SFI1: variants seen among roughly 807,000 people sequenced by gnomAD.
The protein encoded by SFI1 is SFI1 centrin binding protein, also known as protein SFI1 homolog.
Under a neutral mutation model 207.5 loss-of-function variants are expected in SFI1, and 195 were observed. The ratio of observed to expected loss-of-function variants is 0.94; its 90% CI spans 0.84 to 1.06. The LOEUF (loss-of-function observed/expected upper bound fraction) is 1.06. SFI1 is among the 50% of genes least tolerant of loss of function. The pLI, the probability that SFI1 is intolerant of heterozygous loss-of-function variation, is 0.00. For synonymous variants in SFI1, 630 were observed against 598.9 expected (o/e 1.05, Z -0.76); for missense variants, 1,634 against 1,588.0 (o/e 1.03, Z -0.49).
intron 14 of SFI1, chr22:31,587,217 T>G: frequency 5.0e-6 from 1 of 199,564 alleles, no homozygotes. Flanking sequence ...ACTATGTACA[T>G]AGCATTGACA....
chr22:31,593,867 C>A (rs1054681864), intron 15 of SFI1, among the ~76,000 whole-genome samples: 2 of 148,270 alleles, frequency 1.3e-5, no homozygotes, highest in Admixed American at 6.7e-5. Context: ...TGCCTGCAAT[C>A]GCAGGCATTC....
chr22:31,557,189 T>C, intron 7 of SFI1, 130 bp downstream of exon 7: 1 of 654,410 alleles, frequency 1.5e-6, no homozygotes, highest in South Asian at 2.3e-5. Context: ...TTGTGTTTTG[T>C]TTTTTTCGAG....
intron 8 of SFI1, among the ~76,000 whole-genome samples, chr22:31,568,228 T>TA (rs1569334660): frequency 5.7e-4 from 70 of 122,476 alleles, no homozygotes; most frequent in Middle Eastern, 4.0e-3. Flanking sequence ...ATATATATAT[T>TA]TTTTTTTTTT....
Position 31,613,701 on chromosome 22 carries a change from G to A in SFI1, c.2842G>A (p.Ala948Thr), listed in dbSNP as rs767327833. 55 of 1,612,270 alleles carry A rather than the reference G, an allele frequency of 3.4e-5. No individual in the cohort carries two copies. Among genetic ancestry groups the A allele is most frequent in the Non-Finnish European group, 3.6e-5 (43 of 1,179,392 alleles). The change falls in exon 27 of 33, where the codon GCA becomes ACA. Residue 948 changes from alanine (A) to threonine (T), a missense_variant. Coordinates refer to ENST00000400288, the MANE Select transcript of SFI1 (RefSeq NM_001007467.3). ...GAAGCCTCAGCCCCTGGCAGCCATC[G>A]CACCCAGCAGGAAAGTGACGTTTGA... is the stretch of plus-strand genomic sequence containing the variant. ...GGKPQPLAAI[A>T]PSRKVTFEGP...
At chr22:31,565,973 C>A (rs1270768421) in intron 8 of SFI1, among the ~76,000 whole-genome samples, 1 of 149,586 alleles carries the variant, frequency 6.7e-6, no homozygotes, top group African/African-American at 2.5e-5. Context: ...CTGGCCCTAT[C>A]TATGTGGATA....
intron 27 of SFI1, chr22:31,614,405 G>A (rs2070982964): frequency 2.5e-6 from 1 of 399,086 alleles, no homozygotes; most frequent in African/African-American, 2.1e-5. Context: ...TGGGCCTCGG[G>A]GGAGATGTCA....
chr22:31,604,510 C>T lies in SFI1; in HGVS notation c.1977+106C>T, dbSNP rs75958403. The T allele has an allele frequency of 1.2e-3, 1,197 of 1,008,596 alleles. 7 individuals carry two copies. The African/African-American group carries it at 0.017, about 15-fold the overall frequency. The allele number at this position is 1,008,596 out of a possible 1,614,324, so 62.5% of individuals were successfully genotyped here. A position where few individuals can be genotyped will look rare whatever the true frequency, so the allele number is the denominator to read the frequency against. On this transcript the variant is annotated intron_variant, in intron 19 of 32. Transcript: ENST00000400288. ...TCCTGTCCGTCCCAGAACAGAGTCA[C>T]GTGACACACCTCAAACCAAGCAGGT...
At position 31,583,906 on chromosome 22, in the gene SFI1, C is replaced by T; in HGVS notation, c.1280C>T (p.Ser427Phe). ...CACAGGTTCTGGAACCTCTGGCGGT[C>T]TCAGATTGAGCAGAAAAAGGAAAGA... Reference protein sequence around the residue: ...LLHRFWNLWRSQIEQKKEREL... With the variant: ...LLHRFWNLWRFQIEQKKEREL... The change falls in exon 13 of 33, where the codon TCT (serine) becomes TTT (phenylalanine). Residue 427 changes from serine to phenylalanine, a missense_variant. Ser to Phe is a radical substitution (Grantham distance 155, BLOSUM62 -2). Coordinates refer to ENST00000400288, the MANE Select transcript of SFI1 (RefSeq NM_001007467.3). 6.2e-7 allele frequency: 1 copy of T among 1,614,136 alleles called. No homozygotes were observed. Among genetic ancestry groups the T allele is most frequent in the Non-Finnish European group, 8.5e-7 (1 of 1,180,030 alleles).
At chr22:31,507,267 A>T (rs1365507048) in intron 1 of SFI1, among the ~76,000 whole-genome samples, 1 of 152,200 alleles carries the variant, frequency 6.6e-6, no homozygotes, top group East Asian at 1.9e-4. Flanking sequence ...AGGAGTCCCT[A>T]TTTAATAACA....
chr22:31,508,410 G>C, intron 2 of SFI1, 34 bp downstream of exon 2: 1 of 1,398,576 alleles, frequency 7.2e-7, no homozygotes, highest in South Asian at 1.2e-5. Flanking sequence ...AAATATAACT[G>C]GAATGATGGT....
In SFI1 at chr22:31,547,928, A is replaced by G. The variant is rs1003189940; in HGVS notation, c.449+957A>G. Among the ~76,000 whole-genome samples the G allele has an allele frequency of 2.7e-5, 4 of 147,298 alleles. No individual in the cohort carries two copies. In the East Asian group the frequency reaches 9.0e-4, roughly 33 times the overall value. Reference sequence around the variant, plus strand: ...CCCGGCCTTGTTTTAAAAATAATAAATTGTGGCCGGGCATGGTGGCTCATG... The same window carrying G: ...CCCGGCCTTGTTTTAAAAATAATAAGTTGTGGCCGGGCATGGTGGCTCATG... On this transcript the variant is annotated intron_variant, in intron 5 of 32. Transcript: ENST00000400288.
At position 31,613,782 on chromosome 22, in the gene SFI1, A is replaced by G; in HGVS notation, c.2923A>G (p.Lys975Glu). 1.2e-6 allele frequency: 2 copies of G among 1,612,684 alleles called. No homozygotes were observed. The highest frequency in any genetic ancestry group is 1.7e-6 in the Non-Finnish European group (2 of 1,179,754). The change falls in exon 27 of 33, where the codon AAG becomes GAG. Residue 975 changes from lysine (K) to glutamate (E), a missense_variant. By Grantham distance (56) the Lys-to-Glu change is moderately conservative. Transcript: ENST00000400288. ...AGAGDGTLET[K>E]RPQASRPLGA... The stretch of plus-strand genomic sequence containing the variant: ...GGCTGGGGATGGCACCCTTGAGACC[A>G]AGAGGCCACAGGCTTCTCGGCCTCT...
intron 15 of SFI1, among the ~76,000 whole-genome samples, chr22:31,600,781 G>A (rs1057433175): frequency 6.6e-6 from 1 of 151,780 alleles, no homozygotes; most frequent in Non-Finnish European, 1.5e-5. Flanking sequence ...TATCTTTTCA[G>A]CATCAGAATC....
At chr22:31,563,004 T>TATATATATATATATATATATA (rs1556015983) in intron 8 of SFI1, among the ~76,000 whole-genome samples, 5 of 150,394 alleles carry the variant, frequency 3.3e-5, no homozygotes, top group Non-Finnish European at 7.4e-5. Context: ...TATATATATG[T>TATATATATATATATATATATA]TTTGAGACAG....
intron 8 of SFI1, among the ~76,000 whole-genome samples, chr22:31,563,648 C>T (rs568557950): frequency 2.0e-5 from 3 of 152,116 alleles, no homozygotes; most frequent in East Asian, 2.0e-4. Flanking sequence ...TGCAGTGGCA[C>T]GATCTTGGCT....
In SFI1 at chr22:31,614,877, A is replaced by C. The variant is rs2071112462; in HGVS notation, c.3068+17A>C. The C allele has an allele frequency of 1.9e-6, 3 of 1,612,826 alleles. No individual in the cohort carries two copies. In the East Asian group the frequency reaches 6.7e-5, roughly 36 times the overall value. ...GAGCCAGAGGTCCCTGGGGTGCAGC[A>C]CCGTGGGCAGGCAGGGGGAGATGGT... On this transcript the variant is annotated intron_variant, in intron 28 of 32. Coordinates refer to ENST00000400288, the MANE Select transcript of SFI1 (RefSeq NM_001007467.3).
chr22:31,545,086 G>T (rs1224771324), intron 4 of SFI1, among the ~76,000 whole-genome samples: 2 of 152,134 alleles, frequency 1.3e-5, no homozygotes, highest in African/African-American at 2.4e-5. Context: ...TTTAGGGGGG[G>T]CTGGATGTGG....
Position 31,604,330 on chromosome 22 carries a change from G to A in SFI1, c.1903G>A (p.Glu635Lys). 1.3e-6 allele frequency: 2 copies of A among 1,579,472 alleles called. No individual in the cohort carries two copies. Among genetic ancestry groups the A allele is most frequent in the Non-Finnish European group, 1.7e-6 (2 of 1,164,718 alleles). Residue 635 changes from glutamate to lysine, a missense_variant, in exon 19 of 33, where the codon GAG (glutamate) becomes AAG (lysine). Glu to Lys is a moderately conservative substitution (Grantham distance 56). Coordinates refer to ENST00000400288, the MANE Select transcript of SFI1 (RefSeq NM_001007467.3). ...WRECLALRGA[E>K]RQKLMRADLH... ...GCAGTGCCTGGCCCTGCGGGGAGCG[G>A]AGCGGCAGAAGCTGATGCGAGCAGA...
At chr22:31,612,923 C>T (rs752374449) in intron 24 of SFI1, 1 of 558,266 alleles carries the variant, frequency 1.8e-6, no homozygotes, top group Non-Finnish European at 3.2e-6. Flanking sequence ...CCTGCAGGAG[C>T]CCTTTGCCAC....
Sources: allele counts gnomAD v4.1 joint callset (sites outside exome capture counted in the v4.1 genomes callset), GRCh38; gene constraint gnomAD v4.1.1; transcripts MANE v1.5; gene names NCBI Gene and HGNC (gene_info 2026-07-23, HGNC 2026-07-21).